The following NCKAP5 variants were observed in gnomAD, a reference collection of about 807,000 sequenced individuals.
NCKAP5 encodes the protein NCK associated protein 5, also known as nck-associated protein 5.
In NCKAP5, 92 loss-of-function variants were observed where a neutral mutation model predicts 167.0. The ratio of observed to expected loss-of-function variants is 0.55; its 90% CI spans 0.47 to 0.66. The LOEUF (loss-of-function observed/expected upper bound fraction) is 0.66, where lower values mean the gene tolerates loss of function less well. Ranked by LOEUF, NCKAP5 falls within the 30% of genes least tolerant of loss-of-function variation. The pLI, the probability that NCKAP5 is intolerant of heterozygous loss-of-function variation, is 0.00. For missense variants in NCKAP5, 2,378 were observed against 2,315.0 expected, an observed-to-expected ratio of 1.03 and a Z score of -0.56; for synonymous variants, 891 against 877.4, an observed-to-expected ratio of 1.02 and a Z score of -0.27.
the NCKAP5 span, among the ~76,000 whole-genome samples, chr2:133,591,364 T>C: frequency 6.6e-6 from 1 of 152,180 alleles, no homozygotes; most frequent in African/African-American, 2.4e-5. Flanking sequence ...CAGCTGCCCC[T>C]TTCTGCTGCC....
intron 5 of NCKAP5, among the ~76,000 whole-genome samples, chr2:133,180,249 A>T (rs1225430291): frequency 6.6e-6 from 1 of 152,224 alleles, no homozygotes; most frequent in East Asian, 1.9e-4. Context: ...AGAAATCAAG[A>T]CATCTCAAAT....
intron 10 of NCKAP5, among the ~76,000 whole-genome samples, chr2:132,862,736 G>C (rs1276431087): frequency 6.7e-6 from 1 of 149,364 alleles, no homozygotes; most frequent in African/African-American, 2.5e-5. Flanking sequence ...TTCCAGCCTG[G>C]GCAACAAAGT....
At chr2:133,648,411 C>A in the NCKAP5 span, among the ~76,000 whole-genome samples, 17 of 152,066 alleles carry the variant, frequency 1.1e-4, no homozygotes, top group African/African-American at 3.6e-4. Flanking sequence ...TCAAATGTAT[C>A]TAACAGACAT....
chr2:133,193,672 T>TAGCG (rs1358952715), intron 5 of NCKAP5, among the ~76,000 whole-genome samples: 1 of 152,094 alleles, frequency 6.6e-6, no homozygotes, highest in African/African-American at 2.4e-5. Flanking sequence ...ATGCCTGTAC[T>TAGCG]AGCGATTCAA....
intron 4 of NCKAP5, among the ~76,000 whole-genome samples, chr2:133,214,076 A>C (rs1417759214): frequency 6.6e-6 from 1 of 152,210 alleles, no homozygotes; most frequent in Non-Finnish European, 1.5e-5. Context: ...TTTCATGGCT[A>C]TAGTATTTTA....
intron 3 of NCKAP5, among the ~76,000 whole-genome samples, chr2:133,417,675 G>A (rs954052917): frequency 6.6e-6 from 1 of 152,158 alleles, no homozygotes; most frequent in African/African-American, 2.4e-5. Flanking sequence ...TGATTCAGAG[G>A]AGAACCACAG....
chr2:133,236,846 C>G (rs1470039979), intron 4 of NCKAP5, among the ~76,000 whole-genome samples: 1 of 151,950 alleles, frequency 6.6e-6, no homozygotes, highest in Non-Finnish European at 1.5e-5. Context: ...TGAAGCTGTC[C>G]CGAAAGTAGG....
chr2:133,428,962 G>A (rs748120219), intron 3 of NCKAP5, among the ~76,000 whole-genome samples: 50 of 152,148 alleles, frequency 3.3e-4, no homozygotes, highest in Non-Finnish European at 5.7e-4. Flanking sequence ...AAATTAATTT[G>A]GCAATATTAA....
chr2:132,882,141 C>T (rs893531254), intron 8 of NCKAP5, among the ~76,000 whole-genome samples: 1 of 152,142 alleles, frequency 6.6e-6, no homozygotes, highest in Non-Finnish European at 1.5e-5. Flanking sequence ...TAAATACTTT[C>T]TTTTTCAGCA....
chr2:132,859,833 C>T (rs899832841), intron 11 of NCKAP5, among the ~76,000 whole-genome samples: 2 of 152,150 alleles, frequency 1.3e-5, no homozygotes, highest in East Asian at 3.9e-4. Context: ...CTGCAGACCC[C>T]TCTCCCCATT....
intron 16 of NCKAP5, among the ~76,000 whole-genome samples, chr2:132,746,172 C>A (rs1351259035): frequency 1.3e-5 from 2 of 151,912 alleles, no homozygotes; most frequent in Non-Finnish European, 2.9e-5. Flanking sequence ...AGGCTACGTT[C>A]ATTAAGAGAG....
At chr2:133,163,826 A>T (rs963551690) in intron 5 of NCKAP5, among the ~76,000 whole-genome samples, 1 of 152,226 alleles carries the variant, frequency 6.6e-6, no homozygotes, top group Non-Finnish European at 1.5e-5. Context: ...TAGTAATTGT[A>T]TGAGATGAAT....
At chr2:132,826,672 G>A (rs887932566) in intron 11 of NCKAP5, among the ~76,000 whole-genome samples, 1 of 152,152 alleles carries the variant, frequency 6.6e-6, no homozygotes, top group African/African-American at 2.4e-5. Flanking sequence ...GAAGGAGTGA[G>A]TAGTGATAGA....
intron 3 of NCKAP5, 55 bp from the exon 4 acceptor site, chr2:133,303,165 T>G: frequency 8.1e-7 from 1 of 1,234,408 alleles, no homozygotes; most frequent in Non-Finnish European, 1.2e-6. Context: ...CCCACCATCC[T>G]AAGACCCTGA....
chr2:132,960,367 T>G (rs1332716420), intron 8 of NCKAP5, among the ~76,000 whole-genome samples: 1 of 152,062 alleles, frequency 6.6e-6, no homozygotes, highest in Non-Finnish European at 1.5e-5. Flanking sequence ...GGGACAGAGC[T>G]GGCCACGTTC....
chr2:133,417,997 GT>G (rs1450139753), intron 3 of NCKAP5, among the ~76,000 whole-genome samples: 1 of 152,232 alleles, frequency 6.6e-6, no homozygotes, highest in African/African-American at 2.4e-5. Flanking sequence ...CTTTAAAGCT[GT>G]GATTTTTCAG....
chr2:133,548,418 C>T (rs9679193), intron 2 of NCKAP5, among the ~76,000 whole-genome samples: 99 of 151,370 alleles, frequency 6.5e-4, no homozygotes, highest in African/African-American at 2.4e-3. Flanking sequence ...CTCCAAGACA[C>T]ATAATTGTCA....
chr2:133,049,416 G>A (rs1235872668), intron 6 of NCKAP5, among the ~76,000 whole-genome samples: 2 of 151,926 alleles, frequency 1.3e-5, no homozygotes, highest in Admixed American at 6.6e-5. Context: ...GTGGTGGCAG[G>A]CGCCTGTAGT....
intron 5 of NCKAP5, among the ~76,000 whole-genome samples, chr2:133,179,711 T>A (rs1340477220): frequency 6.6e-6 from 1 of 151,888 alleles, no homozygotes; most frequent in Non-Finnish European, 1.5e-5. Flanking sequence ...GTAGCCAAAA[T>A]ATACAAGTCA....
Sources: gnomAD v4.1 joint callset for allele counts (sites outside exome capture counted in the v4.1 genomes callset) on GRCh38, gnomAD v4.1.1 for gene constraint, MANE v1.5 for transcripts, NCBI Gene and HGNC (gene_info 2026-07-23, HGNC 2026-07-21) for gene names.